Variants in PAM observed in about 807,000 individuals in gnomAD.
PAM encodes the protein peptidyl-glycine alpha-amidating monooxygenase.
PAM carries 72 observed loss-of-function variants against 122.1 expected under a neutral mutation model. The observed-to-expected ratio is 0.59, with a 90% CI of 0.49 to 0.72. PAM has a LOEUF of 0.72. PAM is among the 30% of genes least tolerant of loss of function. The pLI, the probability that PAM is intolerant of heterozygous loss-of-function variation, is 0.00. For missense variants in PAM, 1,106 were observed against 1,183.7 expected (o/e 0.93, Z 0.96); for synonymous variants, 389 against 404.4 (o/e 0.96, Z 0.46).
chr5:102,978,946 A>G (rs1768711164), intron 15 of PAM, among the ~76,000 whole-genome samples: 1 of 151,918 alleles, frequency 6.6e-6, no homozygotes, highest in Non-Finnish European at 1.5e-5. Context: ...ACGTATCCGA[A>G]ATTCCACAGC....
chr5:103,022,689 G>C (rs764783197), intron 23 of PAM, among the ~76,000 whole-genome samples: 1 of 152,086 alleles, frequency 6.6e-6, no homozygotes, highest in Non-Finnish European at 1.5e-5. Flanking sequence ...GGTGCCTCCT[G>C]TTTTCCAGAA....
chr5:102,848,791 G>A (rs549352460), intron 1 of PAM, among the ~76,000 whole-genome samples: 1 of 152,262 alleles, frequency 6.6e-6, no homozygotes, highest in Non-Finnish European at 1.5e-5. Flanking sequence ...AGGAAATTTG[G>A]GGGATCATTC....
At chr5:102,755,548 A>AT (rs1280670528) in intron 1 of PAM, 200 bp downstream of exon 1, 1 of 152,054 alleles carries the variant, frequency 6.6e-6, no homozygotes, top group Non-Finnish European at 1.5e-5. Flanking sequence ...GCCAGGGAGG[A>AT]TTTTGGGGAC....
At chr5:102,863,736 A>T (rs577207550) in intron 1 of PAM, among the ~76,000 whole-genome samples, 1 of 150,404 alleles carries the variant, frequency 6.6e-6, no homozygotes, top group South Asian at 2.1e-4. Flanking sequence ...TTTGATTATT[A>T]TATGTTCTAC....
chr5:102,824,828 G>A (rs183504761), intron 1 of PAM, among the ~76,000 whole-genome samples: 1 of 152,160 alleles, frequency 6.6e-6, no homozygotes, highest in East Asian at 1.9e-4. Flanking sequence ...CTAAAATAAG[G>A]ACTCACTCTA....
intron 14 of PAM, 60 bp from the exon 15 acceptor site, chr5:102,974,056 T>C: frequency 1.7e-6 from 2 of 1,150,296 alleles, no homozygotes; most frequent in Non-Finnish European, 2.5e-6. Flanking sequence ...GCACCAAATT[T>C]TGTAAATTTT....
intron 3 of PAM, among the ~76,000 whole-genome samples, chr5:102,877,384 G>C (rs2151081169): frequency 6.6e-6 from 1 of 152,316 alleles, no homozygotes; most frequent in African/African-American, 2.4e-5. Flanking sequence ...GAGAGTAATT[G>C]CAACAATATT....
At chr5:102,979,030 TCACACACACACACACACACA>T (rs10578523) in intron 15 of PAM, among the ~76,000 whole-genome samples, 1 of 147,814 alleles carries the variant, frequency 6.8e-6, no homozygotes, top group Non-Finnish European at 1.5e-5. Context: ...TTATTCTGCA[TCACACACACACACACACACA>T]CACACACACA....
intron 3 of PAM, among the ~76,000 whole-genome samples, chr5:102,898,907 C>T (rs1796915424): frequency 6.6e-6 from 1 of 151,630 alleles, no homozygotes; most frequent in Non-Finnish European, 1.5e-5. Context: ...AAATTACTTA[C>T]CATCTTCAGC....
At chr5:102,781,742 T>C (rs1471335609) in intron 1 of PAM, among the ~76,000 whole-genome samples, 1 of 152,230 alleles carries the variant, frequency 6.6e-6, no homozygotes, top group East Asian at 1.9e-4. Flanking sequence ...TCAGTTATTA[T>C]ATACAGGGAC....
chr5:102,834,522 G>C (rs1398554046), intron 1 of PAM, among the ~76,000 whole-genome samples: 1 of 152,134 alleles, frequency 6.6e-6, no homozygotes, highest in African/African-American at 2.4e-5. Context: ...GAGCAATAGA[G>C]GGGGAGTTGG....
intron 23 of PAM, among the ~76,000 whole-genome samples, chr5:103,023,227 T>G (rs1784104930): frequency 6.6e-6 from 1 of 152,070 alleles, no homozygotes; most frequent in South Asian, 2.1e-4. Flanking sequence ...GTTGCCCAAT[T>G]CTGGTTCTGC....
chr5:102,840,716 T>C (rs73191083), intron 1 of PAM, among the ~76,000 whole-genome samples: 10,948 of 152,176 alleles, frequency 0.072, 768 homozygotes, highest in East Asian at 0.19. Flanking sequence ...GCAGCCCCCA[T>C]TCTCATGGTC....
At chr5:102,863,500 T>G (rs1445520844) in intron 1 of PAM, among the ~76,000 whole-genome samples, 1 of 152,140 alleles carries the variant, frequency 6.6e-6, no homozygotes, top group East Asian at 1.9e-4. Context: ...AATACTACAT[T>G]CTAAATATAC....
intron 3 of PAM, among the ~76,000 whole-genome samples, chr5:102,887,180 T>G (rs1793389807): frequency 6.6e-6 from 1 of 152,044 alleles, no homozygotes; most frequent in Non-Finnish European, 1.5e-5. Context: ...ATGGGGATGT[T>G]TGGGCCGTGG....
intron 1 of PAM, among the ~76,000 whole-genome samples, chr5:102,829,644 G>A (rs1173859178): frequency 6.6e-6 from 1 of 152,178 alleles, no homozygotes; most frequent in Non-Finnish European, 1.5e-5. Context: ...AAAATGCTGG[G>A]ATTACAGGCG....
In PAM at chr5:102,950,748, T is replaced by C. The variant is rs1231568902; in HGVS notation, c.833T>C (p.Val278Ala). The C allele has an allele frequency of 6.2e-7, 1 of 1,611,500 alleles. No homozygotes were observed. Among genetic ancestry groups the C allele is most frequent in the South Asian group, 1.1e-5 (1 of 91,014 alleles). ...AFYPVGHPVDVSFGDLLAARC... is the reference protein window; with the variant it reads ...AFYPVGHPVDASFGDLLAARC... ...TACCCTGTGGGGCATCCAGTTGATG[T>C]AAGTTTTGGTGACCTACTGGCTGCA... The change falls in exon 12 of 26, where the codon GTA becomes GCA. Residue 278 changes from valine (V) to alanine (A), a missense_variant. Physicochemically the swap from Val to Ala is moderately conservative, Grantham distance 64. Around this residue, in one of 3 missense-constraint regions of PAM, gnomAD observed 670 missense variants for 690.3 expected, o/e 0.97. Transcript: ENST00000438793.
intron 3 of PAM, among the ~76,000 whole-genome samples, chr5:102,879,632 C>T (rs909729126): frequency 6.6e-6 from 1 of 152,126 alleles, no homozygotes; most frequent in Admixed American, 6.5e-5. Context: ...TGCCATCTGC[C>T]ATGATTGTTT....
intron 1 of PAM, among the ~76,000 whole-genome samples, chr5:102,800,889 G>A (rs1764546760): frequency 6.6e-6 from 1 of 151,948 alleles, no homozygotes; most frequent in Non-Finnish European, 1.5e-5. Flanking sequence ...ATCCCCTACT[G>A]CTTGGGAAAA....
Sources: allele counts gnomAD v4.1 joint callset (sites outside exome capture counted in the v4.1 genomes callset), GRCh38; gene constraint gnomAD v4.1.1; regional missense constraint gnomAD v4.1.1; transcripts MANE v1.5; gene names NCBI Gene and HGNC (gene_info 2026-07-23, HGNC 2026-07-21).